PRH1: variants seen among roughly 807,000 people sequenced by gnomAD.
The protein encoded by PRH1 is proline rich protein HaeIII subfamily 1.
A neutral mutation model predicts 7.9 loss-of-function variants in PRH1; 7 were observed. The ratio of observed to expected loss-of-function variants is 0.89; its 90% CI spans 0.50 to 1.67. The LOEUF (loss-of-function observed/expected upper bound fraction) is 1.67. Among genes scored for constraint, PRH1 ranks in the 40% most tolerant of loss-of-function variants. PRH1 has a pLI of 0.00. For missense variants in PRH1, 109 were observed against 223.6 expected, an observed-to-expected ratio of 0.49 and a Z score of 3.27; for synonymous variants, 45 against 80.8, an observed-to-expected ratio of 0.56 and a Z score of 2.38.
chr12:11,133,970 T>C (rs774988543), intron 1 of PRH1: 5 of 1,614,004 alleles, frequency 3.1e-6, no homozygotes, highest in East Asian at 4.5e-5. Context: ...GCTGAAATGG[T>C]TGGTTACTGC....
At chr12:10,985,895 C>A in intron 1 of PRH1, 3 of 1,467,358 alleles carry the variant, frequency 2.0e-6, no homozygotes, top group Non-Finnish European at 2.8e-6. Context: ...AGTTTGTTTT[C>A]TCCTAGAATA....
intron 1 of PRH1, among the ~76,000 whole-genome samples, chr12:11,170,008 T>G (rs909345493): frequency 6.6e-6 from 1 of 152,322 alleles, no homozygotes; most frequent in South Asian, 2.1e-4. Flanking sequence ...AGACATGCAG[T>G]GCACGGTGCG....
In PRH1 at chr12:11,037,053, C is replaced by T. The variant is rs549326077; in HGVS notation, c.-126+9967G>A. Among the ~76,000 whole-genome samples the T allele has an allele frequency of 3.6e-3, 545 of 152,258 alleles. 4 individuals carry two copies. Among genetic ancestry groups the T allele is most frequent in the African/African-American group, 0.012 (514 of 41,520 alleles). On this transcript the variant is annotated intron_variant, in intron 1 of 3. Transcript: ENST00000539853. The stretch of plus-strand genomic sequence containing the variant: ...TAATGTAAAACCAACATATTTTCAA[C>T]GATTTATTTGCTTTTTTTTCTTTTA...
chr12:11,157,095 C>G (rs759914743), intron 1 of PRH1, among the ~76,000 whole-genome samples: 1 of 151,562 alleles, frequency 6.6e-6, no homozygotes, highest in Non-Finnish European at 1.5e-5. Context: ...ATCTGCCTGC[C>G]GCAGCCTCCC....
intron 1 of PRH1, among the ~76,000 whole-genome samples, chr12:11,066,161 GT>G (rs1359674511): frequency 6.6e-6 from 1 of 150,512 alleles, no homozygotes; most frequent in Non-Finnish European, 1.5e-5. Context: ...TGAATCTGGT[GT>G]TTCTAAAGAA....
chr12:11,047,969 C>A (rs563814801), upstream of PRH1, among the ~76,000 whole-genome samples: 2 of 152,268 alleles, frequency 1.3e-5, no homozygotes, highest in South Asian at 4.1e-4. Flanking sequence ...CAATGATTTC[C>A]TGATAAAAGC....
In PRH1 at chr12:10,974,046, T is replaced by C. The variant is rs117799542; in HGVS notation, c.-125-325A>G. ...ACTAATCATCAGGACACTGGCATTTTTAATACTATAGACAAGAATAATGAA... is the reference window on the plus strand; with the variant it reads ...ACTAATCATCAGGACACTGGCATTTCTAATACTATAGACAAGAATAATGAA... On this transcript the variant is annotated intron_variant, in intron 1 of 3. Coordinates refer to the PRH1 transcript ENST00000539853. 1.0e-2 allele frequency among the ~76,000 whole-genome samples: 1,517 copies of C among 152,346 alleles called. 16 individuals are homozygous for C. The highest frequency in any genetic ancestry group is 0.041 in the East Asian group (215 of 5,182).
upstream of PRH1, among the ~76,000 whole-genome samples, chr12:10,887,049 T>G (rs893490808): frequency 1.3e-5 from 2 of 152,218 alleles, no homozygotes; most frequent in Non-Finnish European, 2.9e-5. Flanking sequence ...AATCTCCTGT[T>G]TTTTCTTCTG....
At chr12:11,062,144 G>C in intron 1 of PRH1, 1 of 1,613,610 alleles carries the variant, frequency 6.2e-7, no homozygotes, top group East Asian at 2.2e-5. Context: ...GAGACTGCCA[G>C]AGCAGTGAGA....
chr12:11,061,199 T>C (rs561896032), intron 1 of PRH1, among the ~76,000 whole-genome samples: 18 of 143,162 alleles, frequency 1.3e-4, no homozygotes, highest in South Asian at 7.3e-4. Flanking sequence ...TACATATATA[T>C]ACATACGCAC....
At chr12:11,061,922 C>G in intron 1 of PRH1, 1 of 1,613,986 alleles carries the variant, frequency 6.2e-7, no homozygotes, top group Non-Finnish European at 8.5e-7. Flanking sequence ...ACACTCTTAA[C>G]TCTCCTCTTT....
chr12:10,916,714 GA>G (rs1338450839), intron 2 of PRH1, among the ~76,000 whole-genome samples: 1 of 151,622 alleles, frequency 6.6e-6, no homozygotes, highest in Admixed American at 6.6e-5. Flanking sequence ...ATAAATACCT[GA>G]AAAAAAGTGC....
At chr12:11,071,454 C>A (rs1266743987) in intron 1 of PRH1, among the ~76,000 whole-genome samples, 2 of 152,288 alleles carry the variant, frequency 1.3e-5, no homozygotes, top group African/African-American at 4.8e-5. Flanking sequence ...CTGAAGGCAG[C>A]CAGTCTCTTT....
At chr12:10,977,912 C>G (rs983974123) in intron 1 of PRH1, among the ~76,000 whole-genome samples, 1 of 151,962 alleles carries the variant, frequency 6.6e-6, no homozygotes, top group South Asian at 2.1e-4. Context: ...TCAAATATGA[C>G]ACAGACAAGT....
intron 1 of PRH1, among the ~76,000 whole-genome samples, chr12:11,128,556 C>T (rs575269018): frequency 6.6e-6 from 1 of 152,170 alleles, no homozygotes; most frequent in Non-Finnish European, 1.5e-5. Context: ...TCCAGCATGG[C>T]CAACATGGTG....
At chr12:10,981,006 A>C (rs148557308) in intron 1 of PRH1, among the ~76,000 whole-genome samples, 28 of 152,276 alleles carry the variant, frequency 1.8e-4, no homozygotes, top group Admixed American at 1.1e-3. Flanking sequence ...ATAAACCAAG[A>C]GGGGGAAAGA....
At chr12:11,132,386 G>T (rs1324997712) in intron 1 of PRH1, among the ~76,000 whole-genome samples, 2 of 152,132 alleles carry the variant, frequency 1.3e-5, no homozygotes, top group Admixed American at 6.5e-5. Context: ...CTGAAGTTTA[G>T]AAAGAATTTT....
intron 1 of PRH1, among the ~76,000 whole-genome samples, chr12:11,131,976 G>A (rs1403301356): frequency 6.6e-6 from 1 of 152,120 alleles, no homozygotes; most frequent in Non-Finnish European, 1.5e-5. Flanking sequence ...TGACAGACAC[G>A]ATCTCTTCTT....
At chr12:10,893,903 G>T (rs1308360064) in intron 2 of PRH1, among the ~76,000 whole-genome samples, 1 of 151,728 alleles carries the variant, frequency 6.6e-6, no homozygotes, top group Admixed American at 6.6e-5. Flanking sequence ...TTAAACTTGC[G>T]ATTGTGTTCT....
Sources: allele counts gnomAD v4.1 joint callset (sites outside exome capture counted in the v4.1 genomes callset), GRCh38; gene constraint gnomAD v4.1.1; transcripts MANE v1.5; gene names NCBI Gene and HGNC (gene_info 2026-07-23, HGNC 2026-07-21).